Variants in ARHGAP6 observed in about 807,000 individuals in gnomAD.
ARHGAP6 encodes Rho GTPase activating protein 6, also known as rho GTPase-activating protein 6.
Under a neutral mutation model 55.7 loss-of-function variants are expected in ARHGAP6, and 16 were observed. The ratio of observed to expected loss-of-function variants is 0.29; its 90% CI spans 0.19 to 0.44. The LOEUF (loss-of-function observed/expected upper bound fraction) is 0.44, where lower values mean the gene tolerates loss of function less well. ARHGAP6 is among the 20% of genes least tolerant of loss of function. ARHGAP6 has a pLI of 1.00. For missense variants in ARHGAP6, 698 were observed against 808.9 expected, an observed-to-expected ratio of 0.86 and a Z score of 1.66; for synonymous variants, 382 against 360.9, an observed-to-expected ratio of 1.06 and a Z score of -0.66.
chrX:11,664,899 C>G lies in ARHGAP6; in HGVS notation c.-71G>C, dbSNP rs942560834. On this transcript the variant is annotated 5_prime_UTR_variant, in exon 1 of 13. Coordinates refer to ENST00000337414, the MANE Select transcript of ARHGAP6 (RefSeq NM_013427.3). ...ACGCTGGTGGCTTTGGGTCGGGAAC[C>G]GAAAGGGACTCAGGCAAAGGTGCCA... is the stretch of plus-strand genomic sequence containing the variant. 2 of 1,016,545 alleles carry G rather than the reference C, an allele frequency of 2.0e-6. No individual in the cohort carries two copies. Among genetic ancestry groups the G allele is most frequent in the Non-Finnish European group, 2.6e-6 (2 of 761,088 alleles). The allele number at this position is 1,016,545 out of a possible 1,213,427, so 83.8% of individuals were successfully genotyped here.
At chrX:11,609,478 C>A (rs905972591) in intron 1 of ARHGAP6, among the ~76,000 whole-genome samples, 1 of 111,329 alleles carries the variant, frequency 9.0e-6, no homozygotes, top group Non-Finnish European at 1.9e-5. Context: ...GGCATTAACC[C>A]CGCTTGACAT....
chrX:11,311,667 G>C (rs2048302734), intron 1 of ARHGAP6, among the ~76,000 whole-genome samples: 1 of 111,425 alleles, frequency 9.0e-6, no homozygotes, highest in Admixed American at 9.6e-5. Flanking sequence ...TCAAAGTGTG[G>C]AGGAGAAGGC....
chrX:11,411,224 A>T (rs868544532), intron 1 of ARHGAP6, among the ~76,000 whole-genome samples: 6 of 44,902 alleles, frequency 1.3e-4, no homozygotes, highest in Non-Finnish European at 1.7e-4. Flanking sequence ...TATATATATA[A>T]AATATACAAA....
At chrX:11,351,886 T>C (rs975129441) in intron 1 of ARHGAP6, among the ~76,000 whole-genome samples, 1 of 112,338 alleles carries the variant, frequency 8.9e-6, no homozygotes, top group African/African-American at 3.2e-5. Flanking sequence ...CCACAAGTTG[T>C]GAGAGCCTTA....
intron 1 of ARHGAP6, among the ~76,000 whole-genome samples, chrX:11,291,570 T>C (rs747511867): frequency 9.0e-6 from 1 of 111,074 alleles, no homozygotes; most frequent in African/African-American, 3.3e-5. Context: ...CTCCAATATA[T>C]GTAATTATAT....
intron 1 of ARHGAP6, among the ~76,000 whole-genome samples, chrX:11,387,536 T>C (rs1202918118): frequency 8.9e-6 from 1 of 111,918 alleles, no homozygotes; most frequent in Non-Finnish European, 1.9e-5. Flanking sequence ...AGCTTTAAAA[T>C]TCAGAAGGAA....
chrX:11,428,305 G>C (rs1045941326), intron 1 of ARHGAP6, among the ~76,000 whole-genome samples: 2 of 111,536 alleles, frequency 1.8e-5, no homozygotes, highest in East Asian at 2.8e-4. Context: ...GAACTGCTGC[G>C]GGGACAAGGC....
At chrX:11,608,763 G>A (rs1263997724) in intron 1 of ARHGAP6, among the ~76,000 whole-genome samples, 4 of 111,655 alleles carry the variant, frequency 3.6e-5, no homozygotes, top group Admixed American at 9.5e-5. Flanking sequence ...AGGGGGTTCC[G>A]CTTTTGCATC....
intron 1 of ARHGAP6, among the ~76,000 whole-genome samples, chrX:11,622,920 A>C (rs1452698133): frequency 8.9e-6 from 1 of 111,798 alleles, no homozygotes; most frequent in Non-Finnish European, 1.9e-5. Flanking sequence ...CCTAAGTAAA[A>C]TCTTAATATT....
At chrX:11,353,549 AGTGTGTGTGTGTGTGTGT>A (rs200177159) in intron 1 of ARHGAP6, among the ~76,000 whole-genome samples, 21 of 82,471 alleles carry the variant, frequency 2.5e-4, no homozygotes, top group Admixed American at 4.1e-4. Context: ...TATTGCTTAT[AGTGTGTGTGTGTGTGTGT>A]GTGTGTGTGT....
chrX:11,245,791 T>C (rs2047344744), intron 2 of ARHGAP6, among the ~76,000 whole-genome samples: 1 of 112,139 alleles, frequency 8.9e-6, no homozygotes, highest in Non-Finnish European at 1.9e-5. Context: ...TAAAATGTAC[T>C]TCTCACTGCA....
intron 1 of ARHGAP6, among the ~76,000 whole-genome samples, chrX:11,520,347 T>C (rs1438840497): frequency 9.8e-6 from 1 of 102,337 alleles, no homozygotes; most frequent in African/African-American, 3.6e-5. Context: ...GTGTGTGATG[T>C]TCCCCTTCCT....
At chrX:11,611,187 G>C (rs2052097583) in intron 1 of ARHGAP6, among the ~76,000 whole-genome samples, 1 of 112,276 alleles carries the variant, frequency 8.9e-6, no homozygotes. Context: ...TAATCAGATT[G>C]TTTTCATATA....
intron 1 of ARHGAP6, among the ~76,000 whole-genome samples, chrX:11,497,403 C>A (rs996888343): frequency 2.7e-5 from 3 of 110,818 alleles, no homozygotes; most frequent in Non-Finnish European, 5.7e-5. Context: ...GAAGCCCTAA[C>A]CCCCAATGTA....
chrX:11,520,453 T>A (rs1226480344), intron 1 of ARHGAP6, among the ~76,000 whole-genome samples: 1 of 108,106 alleles, frequency 9.3e-6, no homozygotes, highest in East Asian at 3.0e-4. Context: ...AGAATGATGG[T>A]TTCCAGCTTC....
intron 1 of ARHGAP6, among the ~76,000 whole-genome samples, chrX:11,574,883 G>A (rs2051577889): frequency 9.0e-6 from 1 of 111,573 alleles, no homozygotes; most frequent in Non-Finnish European, 1.9e-5. Context: ...CAAAGTCTCA[G>A]GGTAATGAGG....
chrX:11,292,330 C>G (rs892276960), intron 1 of ARHGAP6, among the ~76,000 whole-genome samples: 1 of 111,194 alleles, frequency 9.0e-6, no homozygotes, highest in Non-Finnish European at 1.9e-5. Flanking sequence ...TAATCAAATT[C>G]CAGAATGAAA....
At chrX:11,329,615 T>C (rs1198147438) in intron 1 of ARHGAP6, among the ~76,000 whole-genome samples, 2 of 112,411 alleles carry the variant, frequency 1.8e-5, no homozygotes, top group African/African-American at 6.5e-5. Flanking sequence ...CTGAGAAAAC[T>C]GTCATTGTGA....
chrX:11,593,782 A>T (rs990186987), intron 1 of ARHGAP6, among the ~76,000 whole-genome samples: 7 of 112,301 alleles, frequency 6.2e-5, no homozygotes, highest in African/African-American at 2.3e-4. Context: ...GAAAAAAAGC[A>T]GTGAGCAGAA....
Sources: gnomAD v4.1 joint callset for allele counts (sites outside exome capture counted in the v4.1 genomes callset) on GRCh38, gnomAD v4.1.1 for gene constraint, MANE v1.5 for transcripts, NCBI Gene and HGNC (gene_info 2026-07-23, HGNC 2026-07-21) for gene names.